Variants in SYT9 observed in about 807,000 individuals in gnomAD.
SYT9 encodes synaptotagmin 9.
SYT9 carries 22 observed loss-of-function variants against 48.4 expected under a neutral mutation model. The observed-to-expected ratio is 0.45, with a 90% CI of 0.32 to 0.65. The LOEUF is 0.65. SYT9 is among the 30% of genes least tolerant of loss of function. The probability of loss-of-function intolerance (pLI) is 0.03; values close to 1 mark genes in which losing one functional copy is unlikely to be tolerated. For missense variants in SYT9, 577 were observed against 622.0 expected (o/e 0.93, Z 0.77); for synonymous variants, 265 against 245.0 (o/e 1.08, Z -0.76).
chr11:7,281,750 G>A (rs1217596465), intron 1 of SYT9, among the ~76,000 whole-genome samples: 1 of 152,198 alleles, frequency 6.6e-6, no homozygotes, highest in Non-Finnish European at 1.5e-5. Context: ...GCTGTGCAAG[G>A]TTGTTTCTTG....
chr11:7,268,979 G>A (rs943313085), intron 1 of SYT9, among the ~76,000 whole-genome samples: 7 of 152,086 alleles, frequency 4.6e-5, no homozygotes, highest in Middle Eastern at 3.2e-3. Flanking sequence ...CATACAATAT[G>A]TGATGTCTTC....
chr11:7,346,951 T>G (rs777132839), intron 3 of SYT9, among the ~76,000 whole-genome samples: 7 of 152,226 alleles, frequency 4.6e-5, no homozygotes, highest in Non-Finnish European at 1.0e-4. Context: ...TTTGTTTAAG[T>G]AAGGAAACTA....
At chr11:7,314,270 T>A in intron 3 of SYT9, 2 of 460,198 alleles carry the variant, frequency 4.3e-6, no homozygotes, top group South Asian at 3.3e-5. Context: ...TTGTTTGTGC[T>A]GAATGGAACC....
intron 6 of SYT9, among the ~76,000 whole-genome samples, chr11:7,423,857 TAA>T (rs925036670): frequency 8.5e-5 from 13 of 152,210 alleles, no homozygotes; most frequent in Admixed American, 7.2e-4. Flanking sequence ...TCCTTGGCCT[TAA>T]AGACAGGCTG....
At chr11:7,362,641 A>AT (rs1850164696) in intron 3 of SYT9, among the ~76,000 whole-genome samples, 1 of 152,118 alleles carries the variant, frequency 6.6e-6, no homozygotes, top group Admixed American at 6.5e-5. Flanking sequence ...AACCTGAATA[A>AT]TGTTTTTCAC....
At position 7,353,592 on chromosome 11, in the gene SYT9, G is replaced by C. The variant is rs150362713; in HGVS notation, c.1044+39651G>C. Among the ~76,000 whole-genome samples the C allele has an allele frequency of 9.7e-3, 1,473 of 152,346 alleles. 12 individuals carry two copies. Among genetic ancestry groups the C allele is most frequent in the Non-Finnish European group, 0.016 (1,062 of 68,042 alleles). On this transcript the variant is annotated intron_variant, in intron 3 of 6. Coordinates refer to ENST00000318881, the MANE Select transcript of SYT9 (RefSeq NM_175733.4). ...TGTGTTTCAGCCTTGAGGGCAGGGA[G>C]GATCTCTTCCTTGAGTGCTCTGCTC...
At chr11:7,441,181 G>A (rs1397819102) in intron 6 of SYT9, 1 of 152,228 alleles carries the variant, frequency 6.6e-6, no homozygotes, top group Non-Finnish European at 1.5e-5. Flanking sequence ...CATGCCTGAA[G>A]AGCTGTGTAC....
At chr11:7,271,605 C>T (rs1445113433) in intron 1 of SYT9, among the ~76,000 whole-genome samples, 2 of 152,122 alleles carry the variant, frequency 1.3e-5, no homozygotes, top group African/African-American at 4.8e-5. Context: ...GAGATGGAGT[C>T]TTGCTCTGTC....
intron 1 of SYT9, among the ~76,000 whole-genome samples, chr11:7,297,088 GAGAGAGAGAGAGAC>G (rs1848826910): frequency 8.0e-6 from 1 of 124,976 alleles, no homozygotes; most frequent in Non-Finnish European, 1.7e-5. Context: ...GTGTGTGTGA[GAGAGAGAGAGAGAC>G]AGAGAGAGAG....
chr11:7,252,436 G>C lies in SYT9; in HGVS notation c.145+105G>C. On this transcript the variant is annotated intron_variant, in intron 1 of 6. Coordinates refer to ENST00000318881, the MANE Select transcript of SYT9 (RefSeq NM_175733.4). This position sits in a 1 kb window ranked among gnomAD's most constrained non-coding sequence, Gnocchi z 6.3. Reference sequence around the variant, plus strand: ...ACAGCGACGCGGACTGGGAGAGGGCGGGGGGCGGCCACCGAGCCAGGAGAG... The same window carrying C: ...ACAGCGACGCGGACTGGGAGAGGGCCGGGGGCGGCCACCGAGCCAGGAGAG... 1 of 1,245,690 alleles carries C rather than the reference G, an allele frequency of 8.0e-7. No individual in the cohort carries two copies. The highest frequency in any genetic ancestry group is 1.0e-6 in the Non-Finnish European group (1 of 969,768). The allele number at this position is 1,245,690 out of a possible 1,614,324, so 77.2% of individuals were successfully genotyped here.
intron 6 of SYT9, among the ~76,000 whole-genome samples, chr11:7,447,906 C>T (rs150225041): frequency 3.3e-5 from 5 of 152,312 alleles, no homozygotes; most frequent in Non-Finnish European, 7.3e-5. Context: ...CTCATTTGCT[C>T]AGCATGAAGT....
chr11:7,363,028 C>T (rs1850175704), intron 3 of SYT9, among the ~76,000 whole-genome samples: 1 of 67,984 alleles, frequency 1.5e-5, no homozygotes, highest in Non-Finnish European at 3.0e-5. Flanking sequence ...GGGACAGCTC[C>T]ATTATACCTT....
At chr11:7,374,057 T>C (rs1370199384) in intron 3 of SYT9, among the ~76,000 whole-genome samples, 1 of 152,056 alleles carries the variant, frequency 6.6e-6, no homozygotes, top group African/African-American at 2.4e-5. Context: ...TTTCTCCCAA[T>C]GCTATCCCTC....
intron 3 of SYT9, among the ~76,000 whole-genome samples, chr11:7,381,579 A>C (rs530526400): frequency 6.6e-6 from 1 of 152,330 alleles, no homozygotes; most frequent in East Asian, 1.9e-4. Context: ...GTAAGCCCTC[A>C]GTGAGATATT....
At chr11:7,348,966 G>A (rs1443987461) in intron 3 of SYT9, among the ~76,000 whole-genome samples, 2 of 152,052 alleles carry the variant, frequency 1.3e-5, no homozygotes, top group South Asian at 2.1e-4. Flanking sequence ...ACAGCTAGGC[G>A]GGCTGGGGGT....
rs1456960003 is a variant in SYT9 at position 7,252,273 on chromosome 11, C to T, written c.87C>T (p.Ser29=). Residue 29 remains serine (S), a synonymous_variant, in exon 1 of 7, where the codon AGC becomes AGT. Coordinates refer to ENST00000318881, the MANE Select transcript of SYT9 (RefSeq NM_175733.4). The surrounding 1 kb of genome is among the most constrained non-coding windows in gnomAD (Gnocchi z 6.3). The part of the protein sequence containing the change: ...LCARGALEHD[S]CQDFIYHLRD... ...CCCGTGGGGCCCTGGAGCACGACAG[C>T]TGCCAGGATTTCATTTACCACCTGC... 1 of 1,512,022 alleles carries T rather than the reference C, an allele frequency of 6.6e-7. No homozygotes were observed. Among genetic ancestry groups the T allele is most frequent in the Admixed American group, 2.2e-5 (1 of 46,060 alleles). 93.7% of individuals were successfully genotyped at this position (1,512,022 alleles called of 1,614,324 possible).
intron 1 of SYT9, among the ~76,000 whole-genome samples, chr11:7,291,315 A>G (rs1185149608): frequency 1.3e-5 from 2 of 152,234 alleles, no homozygotes; most frequent in African/African-American, 4.8e-5. Flanking sequence ...TGCAAATGTT[A>G]GGACATGGTT....
intron 1 of SYT9, among the ~76,000 whole-genome samples, chr11:7,278,063 A>G (rs80112300): frequency 0.019 from 2,875 of 152,350 alleles, 78 homozygotes; most frequent in African/African-American, 0.066. Flanking sequence ...TCTTCTTGCC[A>G]GTGGGAACTT....
At position 7,273,540 on chromosome 11, in the gene SYT9, C is replaced by T. The variant is rs116364758; in HGVS notation, c.145+21209C>T. Among the ~76,000 whole-genome samples the T allele has an allele frequency of 1.9e-3, 287 of 152,148 alleles. 1 individual carries two copies. The highest frequency in any genetic ancestry group is 6.6e-3 in the African/African-American group (274 of 41,506). ...TAGGAAAAAATCAGGAGTGTTTACCCTCTGATATCACAAGAGTTGCTTAAA... is the reference window on the plus strand; with the variant it reads ...TAGGAAAAAATCAGGAGTGTTTACCTTCTGATATCACAAGAGTTGCTTAAA... On this transcript the variant is annotated intron_variant, in intron 1 of 6. Coordinates refer to ENST00000318881, the MANE Select transcript of SYT9 (RefSeq NM_175733.4).
Sources: allele counts gnomAD v4.1 joint callset (sites outside exome capture counted in the v4.1 genomes callset), GRCh38; gene constraint gnomAD v4.1.1; non-coding constraint Gnocchi (gnomAD v3.1); transcripts MANE v1.5; gene names NCBI Gene and HGNC (gene_info 2026-07-23, HGNC 2026-07-21).